FNDC3B: variants seen among roughly 807,000 people sequenced by gnomAD.
The protein encoded by FNDC3B is fibronectin type III domain-containing protein 3B.
A neutral mutation model predicts 151.5 loss-of-function variants in FNDC3B; 12 were observed. The observed-to-expected ratio is 0.08, with a 90% CI of 0.05 to 0.13. FNDC3B has a LOEUF of 0.13. Among genes scored for constraint, FNDC3B ranks in the 10% least tolerant of loss-of-function variants. The probability of loss-of-function intolerance (pLI) is 1.00; values close to 1 mark genes in which losing one functional copy is unlikely to be tolerated. For synonymous variants in FNDC3B, 528 were observed against 549.0 expected (o/e 0.96, Z 0.54); for missense variants, 1,214 against 1,505.3 (o/e 0.81, Z 3.20).
chr3:172,128,376 C>T (rs1400576644), intron 2 of FNDC3B, among the ~76,000 whole-genome samples: 1 of 152,202 alleles, frequency 6.6e-6, no homozygotes, highest in East Asian at 1.9e-4. Context: ...ATTCGCACCC[C>T]ATCGCTTCCC....
chr3:172,225,853 A>G (rs1295032062), intron 3 of FNDC3B: 1 of 153,232 alleles, frequency 6.5e-6, no homozygotes, highest in African/African-American at 2.4e-5. Flanking sequence ...TCCTGTAAGG[A>G]CTTTTATGAA....
chr3:172,145,921 C>G (rs1318331879), intron 3 of FNDC3B, among the ~76,000 whole-genome samples: 1 of 147,968 alleles, frequency 6.8e-6, no homozygotes, highest in East Asian at 2.0e-4. Context: ...TTAAGCGATT[C>G]TCCTGCCTCA....
At chr3:172,128,345 C>A (rs943319892) in intron 2 of FNDC3B, among the ~76,000 whole-genome samples, 4 of 152,132 alleles carry the variant, frequency 2.6e-5, no homozygotes, top group African/African-American at 9.7e-5. Flanking sequence ...TGTGTTATTA[C>A]CACAAAGATA....
chr3:172,199,879 TCTC>T (rs1560014673), intron 3 of FNDC3B, among the ~76,000 whole-genome samples: 1 of 152,200 alleles, frequency 6.6e-6, no homozygotes, highest in Non-Finnish European at 1.5e-5. Flanking sequence ...GTGAGGAACA[TCTC>T]CTGCCACCAC....
intron 25 of FNDC3B, among the ~76,000 whole-genome samples, chr3:172,390,342 C>CT (rs1735943149): frequency 1.3e-5 from 2 of 152,146 alleles, no homozygotes; most frequent in South Asian, 4.1e-4. Context: ...CTTCAGTTAA[C>CT]TATTTATATT....
intron 5 of FNDC3B, among the ~76,000 whole-genome samples, chr3:172,248,902 G>A (rs1045556735): frequency 7.3e-5 from 11 of 151,184 alleles, no homozygotes; most frequent in Non-Finnish European, 1.5e-4. Context: ...AATTTGACAT[G>A]ATTCAAATTA....
At chr3:172,272,613 T>G (rs1729253164) in intron 6 of FNDC3B, among the ~76,000 whole-genome samples, 1 of 152,220 alleles carries the variant, frequency 6.6e-6, no homozygotes, top group South Asian at 2.1e-4. Context: ...CAGGAGACTA[T>G]TCTGTATTTG....
chr3:172,062,799 A>G (rs1169000916), intron 1 of FNDC3B, among the ~76,000 whole-genome samples: 1 of 151,844 alleles, frequency 6.6e-6, no homozygotes, highest in Non-Finnish European at 1.5e-5. Flanking sequence ...TTTGACTTCT[A>G]TTAGTTATTT....
At chr3:172,310,963 A>G (rs1212060165) in intron 11 of FNDC3B, 82 bp downstream of exon 11, 9 of 977,130 alleles carry the variant, frequency 9.2e-6, no homozygotes, top group Non-Finnish European at 3.3e-6. Context: ...TTATTCTTTT[A>G]TAAGACATGC....
intron 6 of FNDC3B, among the ~76,000 whole-genome samples, chr3:172,262,894 CAAAAAAAAAAAAAAA>C (rs67891835): frequency 2.0e-4 from 12 of 60,636 alleles, no homozygotes; most frequent in South Asian, 1.8e-3. Flanking sequence ...GAGACCGACT[CAAAAAAAAAAAAAAA>C]AAAAAAAAAA....
intron 11 of FNDC3B, chr3:172,321,703 G>T (rs764931525): frequency 3.5e-5 from 7 of 199,718 alleles, no homozygotes; most frequent in Admixed American, 6.2e-5. Context: ...ACCACACCCG[G>T]CTAATTATTG....
At chr3:172,055,700 G>T (rs1390698703) in intron 1 of FNDC3B, among the ~76,000 whole-genome samples, 1 of 152,106 alleles carries the variant, frequency 6.6e-6, no homozygotes, top group Non-Finnish European at 1.5e-5. Context: ...CAGGGGCAGT[G>T]GGAGTGAGTA....
chr3:172,388,509 TC>T (rs1449798700), intron 25 of FNDC3B, among the ~76,000 whole-genome samples: 1 of 152,012 alleles, frequency 6.6e-6, no homozygotes, highest in Non-Finnish European at 1.5e-5. Flanking sequence ...TTGGATTGAG[TC>T]AAGAGGAAAA....
At chr3:172,359,729 CAT>C (rs1202112123) in intron 22 of FNDC3B, among the ~76,000 whole-genome samples, 2 of 152,072 alleles carry the variant, frequency 1.3e-5, no homozygotes, top group Admixed American at 6.6e-5. Flanking sequence ...TTATAAGACT[CAT>C]ATGGGAGGCA....
rs188679841 is a variant in FNDC3B, at chr3:172,099,731, C to T, written c.-28-12721C>T. Among the ~76,000 whole-genome samples the T allele has an allele frequency of 1.7e-4, 26 of 152,310 alleles. No homozygotes were observed. In the East Asian group the frequency reaches 5.0e-3, roughly 29 times the overall value. ...TCTCTAATGAGTGTGGCATAAAGTC[C>T]TGGAGAGAGACATCTGTGGTAGAAT... On this transcript the variant is annotated intron_variant, in intron 1 of 25. Coordinates refer to ENST00000415807, the MANE Select transcript of FNDC3B (RefSeq NM_022763.4).
intron 23 of FNDC3B, among the ~76,000 whole-genome samples, chr3:172,364,155 T>C (rs1312635154): frequency 6.6e-6 from 1 of 152,220 alleles, no homozygotes; most frequent in Admixed American, 6.5e-5. Context: ...ATTCATCTTA[T>C]TGTGCTATAT....
intron 11 of FNDC3B, among the ~76,000 whole-genome samples, chr3:172,324,497 G>C (rs1476632008): frequency 6.6e-6 from 1 of 152,202 alleles, no homozygotes; most frequent in African/African-American, 2.4e-5. Context: ...TCCTGCGCCA[G>C]ATTGAGCACC....
intron 3 of FNDC3B, among the ~76,000 whole-genome samples, chr3:172,190,786 A>C (rs1724468046): frequency 6.6e-6 from 1 of 152,194 alleles, no homozygotes; most frequent in South Asian, 2.1e-4. Context: ...CTCCTGCCTC[A>C]GCCTCCCAAG....
intron 25 of FNDC3B, among the ~76,000 whole-genome samples, chr3:172,394,134 A>AAAAAAAAAAAAAAAAAT: frequency 7.2e-6 from 1 of 139,760 alleles, no homozygotes; most frequent in Non-Finnish European, 1.5e-5. Context: ...AAAAAAAAAA[A>AAAAAAAAAAAAAAAAAT]AATGGATACA....
Sources: gnomAD v4.1 joint callset for allele counts (sites outside exome capture counted in the v4.1 genomes callset) on GRCh38, gnomAD v4.1.1 for gene constraint, MANE v1.5 for transcripts, NCBI Gene and HGNC (gene_info 2026-07-23, HGNC 2026-07-21) for gene names.